The following NLRP5 variants were observed in gnomAD, a reference collection of about 807,000 sequenced individuals.
NLRP5 encodes NLR family pyrin domain containing 5.
A neutral mutation model predicts 113.1 loss-of-function variants in NLRP5; 93 were observed. That is an observed-to-expected ratio of 0.82 (90% CI 0.70 to 0.98). The LOEUF (loss-of-function observed/expected upper bound fraction) is 0.98. Among genes scored for constraint, NLRP5 ranks in the 50% least tolerant of loss-of-function variants. NLRP5 has a pLI of 0.00. For missense variants in NLRP5, 1,808 were observed against 1,514.3 expected (o/e 1.19, Z -3.22); for synonymous variants, 751 against 600.7 (o/e 1.25, Z -3.66).
At position 56,030,875 on chromosome 19, in the gene NLRP5, G is replaced by A. The variant is rs183221270; in HGVS notation, c.2277-1736G>A. ...ACTACAGTTGCCCACCACCACACCC[G>A]GCTAACTTTTGTATTTTTAGTAGAG... On this transcript the variant is annotated intron_variant, in intron 7 of 14. Coordinates refer to ENST00000390649, the MANE Select transcript of NLRP5 (RefSeq NM_153447.4). 7.3e-5 allele frequency among the ~76,000 whole-genome samples: 11 copies of A among 151,566 alleles called. No homozygotes were observed. In the East Asian group the frequency reaches 1.6e-3, roughly 22 times the overall value.
chr19:56,012,762 C>A (rs1982247449), intron 3 of NLRP5, among the ~76,000 whole-genome samples: 1 of 152,134 alleles, frequency 6.6e-6, no homozygotes, highest in African/African-American at 2.4e-5. Context: ...ACTGCTGTTG[C>A]TTTCCTGGAA....
At chr19:56,041,204 G>T (rs992047365) in intron 11 of NLRP5, 112 bp downstream of exon 11, 12 of 994,500 alleles carry the variant, frequency 1.2e-5, no homozygotes, top group African/African-American at 4.8e-5. Flanking sequence ...CACATGAAGG[G>T]ACCTGGTATA....
intron 14 of NLRP5, among the ~76,000 whole-genome samples, chr19:56,058,791 G>A (rs1217757349): frequency 1.3e-5 from 2 of 152,192 alleles, no homozygotes; most frequent in African/African-American, 4.8e-5. Context: ...GTGGCATAAT[G>A]CACAATAATA....
intron 2 of NLRP5, among the ~76,000 whole-genome samples, chr19:56,005,643 C>CGT (rs199809430): frequency 3.3e-5 from 4 of 122,394 alleles, no homozygotes; most frequent in East Asian, 2.2e-4. Flanking sequence ...CACACACACA[C>CGT]GCGCGCAGGT....
At chr19:56,058,442 A>G in intron 14 of NLRP5, 32 bp downstream of exon 14, 1 of 1,574,760 alleles carries the variant, frequency 6.4e-7, no homozygotes, top group South Asian at 1.1e-5. Flanking sequence ...TCTGAGATAC[A>G]GACCTGCTTC....
At chr19:56,037,110 T>C (rs1258347480) in intron 9 of NLRP5, among the ~76,000 whole-genome samples, 1 of 152,152 alleles carries the variant, frequency 6.6e-6, no homozygotes, top group African/African-American at 2.4e-5. Context: ...ATAAACTGAG[T>C]TGCAGAGATG....
intron 4 of NLRP5, 78 bp downstream of exon 4, chr19:56,015,876 C>A (rs186905655): frequency 3.5e-5 from 37 of 1,065,830 alleles, no homozygotes; most frequent in Admixed American, 2.8e-4. Flanking sequence ...GTTCAAAGGA[C>A]GGGGAAATCC....
chr19:56,026,766 C>A, intron 6 of NLRP5, 147 bp from the exon 7 acceptor site: 1 of 748,404 alleles, frequency 1.3e-6, no homozygotes, highest in Non-Finnish European at 2.1e-6. Context: ...TTATTAGAGA[C>A]GGGGCTTTGC....
intron 3 of NLRP5, among the ~76,000 whole-genome samples, chr19:56,009,774 C>G (rs1982111130): frequency 6.6e-6 from 1 of 152,146 alleles, no homozygotes; most frequent in African/African-American, 2.4e-5. Flanking sequence ...GACCGTGAAA[C>G]CTAATCTGGT....
At chr19:55,996,402 G>A (rs1241676007), upstream of NLRP5, among the ~76,000 whole-genome samples, 1 of 152,068 alleles carries the variant, frequency 6.6e-6, no homozygotes, top group Non-Finnish European at 1.5e-5. Flanking sequence ...TGCACAACGT[G>A]CAGGTTTGTT....
At chr19:56,057,138 C>T (rs899279309) in intron 13 of NLRP5, among the ~76,000 whole-genome samples, 5 of 152,112 alleles carry the variant, frequency 3.3e-5, no homozygotes, top group South Asian at 2.1e-4. Context: ...TCAGTCTGTG[C>T]ATTTTGGATT....
At chr19:56,037,501 T>A (rs1226574436) in intron 9 of NLRP5, among the ~76,000 whole-genome samples, 1 of 152,016 alleles carries the variant, frequency 6.6e-6, no homozygotes, top group African/African-American at 2.4e-5. Context: ...GAGACCAGCC[T>A]GGCCAACATG....
intron 11 of NLRP5, among the ~76,000 whole-genome samples, chr19:56,047,997 G>C (rs1983790443): frequency 6.6e-6 from 1 of 152,164 alleles, no homozygotes; most frequent in African/African-American, 2.4e-5. Flanking sequence ...CTCCTTAACT[G>C]CTGTTGCTTT....
Position 56,015,760 on chromosome 19 carries a change from A to G in NLRP5, c.527A>G (p.Gln176Arg), listed in dbSNP as rs1982379300. The G allele has an allele frequency of 6.4e-7, 1 of 1,573,708 alleles. No homozygotes were observed. Among genetic ancestry groups the G allele is most frequent in the African/African-American group, 1.3e-5 (1 of 74,244 alleles). ...TTTGCAGGAATTTCACAAGCTGTGC[A>G]ACAAGATAGTGCCACAGCTGCAGAG... is the stretch of plus-strand genomic sequence containing the variant. The change falls in exon 4 of 15, where the codon CAA becomes CGA. Residue 176 changes from glutamine (Q) to arginine (R), a missense_variant. Coordinates refer to ENST00000390649, the MANE Select transcript of NLRP5 (RefSeq NM_153447.4).
intron 12 of NLRP5, among the ~76,000 whole-genome samples, chr19:56,052,245 T>G (rs1293274702): frequency 6.6e-6 from 1 of 150,498 alleles, no homozygotes; most frequent in Non-Finnish European, 1.5e-5. Context: ...GGTTTTGTTT[T>G]GTTTTGTTTT....
At chr19:56,038,281 G>A in intron 10 of NLRP5, 86 bp downstream of exon 10, 1 of 1,400,396 alleles carries the variant, frequency 7.1e-7, no homozygotes. Flanking sequence ...TGGTGGGAGG[G>A]AAATGAGCAG....
At chr19:56,002,027 A>G (rs1335331787) in intron 1 of NLRP5, among the ~76,000 whole-genome samples, 1 of 152,194 alleles carries the variant, frequency 6.6e-6, no homozygotes, top group African/African-American at 2.4e-5. Flanking sequence ...GCCTTATAAC[A>G]ACTGCTACAT....
chr19:55,987,776 A>C, the NLRP5 span: 1 of 1,499,782 alleles, frequency 6.7e-7, no homozygotes, highest in Non-Finnish European at 9.3e-7. Context: ...TCCTCAGAAA[A>C]TAACCTCAAC....
intron 9 of NLRP5, among the ~76,000 whole-genome samples, chr19:56,036,240 A>AT (rs372915236): frequency 1.8e-4 from 27 of 150,542 alleles, no homozygotes; most frequent in African/African-American, 5.4e-4. Flanking sequence ...ATTTTTTTGT[A>AT]TTTTTTTAAG....
Sources: allele counts gnomAD v4.1 joint callset (sites outside exome capture counted in the v4.1 genomes callset), GRCh38; gene constraint gnomAD v4.1.1; transcripts MANE v1.5; gene names NCBI Gene and HGNC (gene_info 2026-07-23, HGNC 2026-07-21).